RORA: variants seen among roughly 807,000 people sequenced by gnomAD.
RORA encodes the protein nuclear receptor ROR-alpha.
In RORA, 7 loss-of-function variants were observed where a neutral mutation model predicts 69.5. The observed-to-expected ratio is 0.10, with a 90% CI of 0.06 to 0.19. The LOEUF is 0.19. Ranked by LOEUF, RORA falls within the 10% of genes least tolerant of loss-of-function variation. The probability of loss-of-function intolerance (pLI) is 1.00; values close to 1 mark genes in which losing one functional copy is unlikely to be tolerated. For synonymous variants in RORA, 261 were observed against 240.8 expected (o/e 1.08, Z -0.78); for missense variants, 457 against 663.0 (o/e 0.69, Z 3.41).
At chr15:60,726,943 T>G (rs2071365464) in intron 1 of RORA, among the ~76,000 whole-genome samples, 1 of 152,170 alleles carries the variant, frequency 6.6e-6, no homozygotes, top group Non-Finnish European at 1.5e-5. Flanking sequence ...CTACAGAATC[T>G]CCTTATAATT....
At chr15:60,753,703 T>A (rs1417414104) in intron 1 of RORA, among the ~76,000 whole-genome samples, 1 of 152,254 alleles carries the variant, frequency 6.6e-6, no homozygotes, top group Non-Finnish European at 1.5e-5. Context: ...TATCCCTTTA[T>A]ATTTTTTGGA....
intron 2 of RORA, among the ~76,000 whole-genome samples, chr15:60,618,237 T>C (rs374518537): frequency 2.6e-5 from 4 of 152,300 alleles, no homozygotes; most frequent in African/African-American, 2.4e-5. Context: ...TCAGAAACAG[T>C]GATGGAGTAA....
chr15:60,548,528 G>A (rs1366915580), intron 2 of RORA, among the ~76,000 whole-genome samples: 1 of 152,142 alleles, frequency 6.6e-6, no homozygotes, highest in Non-Finnish European at 1.5e-5. Flanking sequence ...AATTTCCAGG[G>A]GAGAATGTGT....
intron 3 of RORA, among the ~76,000 whole-genome samples, chr15:60,526,968 A>C (rs1469256853): frequency 6.6e-6 from 1 of 152,214 alleles, no homozygotes; most frequent in East Asian, 1.9e-4. Context: ...TTTATTGTTT[A>C]AGAAAATATA....
chr15:60,855,993 C>A (rs1347889267), intron 1 of RORA, among the ~76,000 whole-genome samples: 4 of 148,812 alleles, frequency 2.7e-5, no homozygotes, highest in Non-Finnish European at 6.0e-5. Context: ...TCTGGGCTAA[C>A]CTCATATATA....
chr15:61,172,663 A>AT (rs2079595615), intron 1 of RORA, among the ~76,000 whole-genome samples: 3 of 152,216 alleles, frequency 2.0e-5, no homozygotes, highest in African/African-American at 7.2e-5. Flanking sequence ...CTTCTTGGCA[A>AT]TATAACCAGT....
chr15:60,690,719 A>G (rs1274301417), intron 1 of RORA, among the ~76,000 whole-genome samples: 2 of 152,226 alleles, frequency 1.3e-5, no homozygotes, highest in Middle Eastern at 3.2e-3. Flanking sequence ...ACTGGGACTC[A>G]GAGGGATTAG....
At chr15:60,695,984 T>G (rs918999) in intron 1 of RORA, among the ~76,000 whole-genome samples, 147,795 of 152,152 alleles carry the variant, frequency 0.97, 71,881 homozygotes, top group East Asian at 1. Flanking sequence ...CACCGGCGCT[T>G]CAAAGAACTC....
intron 2 of RORA, among the ~76,000 whole-genome samples, chr15:60,633,158 C>G (rs1205991478): frequency 1.3e-5 from 2 of 152,300 alleles, no homozygotes; most frequent in East Asian, 3.9e-4. Context: ...ATATGCAGAC[C>G]AGGTCATGCC....
chr15:60,752,102 G>A (rs942964959), intron 1 of RORA, among the ~76,000 whole-genome samples: 1 of 152,100 alleles, frequency 6.6e-6, no homozygotes, highest in African/African-American at 2.4e-5. Context: ...AAAAAAAATG[G>A]GGAGGGAGAA....
At chr15:60,932,390 C>T (rs941692644) in intron 1 of RORA, among the ~76,000 whole-genome samples, 1 of 152,168 alleles carries the variant, frequency 6.6e-6, no homozygotes, top group African/African-American at 2.4e-5. Context: ...CTTCAGATAT[C>T]ACAGCTGCTT....
At chr15:60,668,830 C>A (rs982060143) in intron 2 of RORA, among the ~76,000 whole-genome samples, 1 of 152,064 alleles carries the variant, frequency 6.6e-6, no homozygotes, top group South Asian at 2.1e-4. Flanking sequence ...TTAAGTAAAA[C>A]GACAGAAACA....
chr15:60,495,761 C>T lies in RORA; in HGVS notation c.*1694G>A, dbSNP rs1055721498. ...CCACCCCTAGTGCGACTAAAATCAT[C>T]GTCTAAATGCCTACATTCCCAAAAG... On this transcript the variant is annotated 3_prime_UTR_variant, in exon 11 of 11. Coordinates refer to ENST00000335670, the MANE Select transcript of RORA (RefSeq NM_134261.3). 2 of 152,022 alleles carry T rather than the reference C, an allele frequency of 1.3e-5. No individual in the cohort carries two copies. The highest frequency in any genetic ancestry group is 2.9e-5 in the Non-Finnish European group (2 of 68,004). The allele number at this position is 152,022 out of a possible 1,614,324, so 9.4% of individuals were successfully genotyped here.
At chr15:60,973,978 C>G (rs1353819647) in intron 1 of RORA, among the ~76,000 whole-genome samples, 1 of 152,226 alleles carries the variant, frequency 6.6e-6, no homozygotes, top group African/African-American at 2.4e-5. Flanking sequence ...GGGGCCAAAC[C>G]TTTTGTATCC....
At position 60,569,680 on chromosome 15, in the gene RORA, C is replaced by T. The variant is rs544555766; in HGVS notation, c.197-37829G>A. On this transcript the variant is annotated intron_variant, in intron 2 of 10. Coordinates refer to ENST00000335670, the MANE Select transcript of RORA (RefSeq NM_134261.3). The stretch of plus-strand genomic sequence containing the variant: ...AATAGCAGTCACTCCCTTACAGTAA[C>T]GACAGCTCAAAAGGGTGAATGGCTT... Among the ~76,000 whole-genome samples, 20 of 152,170 alleles carry T rather than the reference C, an allele frequency of 1.3e-4. No individual in the cohort carries two copies. In the East Asian group the frequency reaches 1.7e-3, roughly 13 times the overall value.
intron 1 of RORA, among the ~76,000 whole-genome samples, chr15:60,873,934 C>T (rs948993740): frequency 1.3e-5 from 2 of 152,108 alleles, no homozygotes; most frequent in South Asian, 2.1e-4. Context: ...GTCTGTCTAT[C>T]CTTCTATAAA....
intron 1 of RORA, among the ~76,000 whole-genome samples, chr15:60,885,171 A>G (rs2073737575): frequency 6.6e-6 from 1 of 152,216 alleles, no homozygotes; most frequent in Non-Finnish European, 1.5e-5. Context: ...AATGGAGTAC[A>G]GTGGAAGTGA....
chr15:60,999,972 T>C (rs1463562747), intron 1 of RORA, among the ~76,000 whole-genome samples: 4 of 152,068 alleles, frequency 2.6e-5, no homozygotes, highest in Admixed American at 1.3e-4. Context: ...AAAAAAGGCA[T>C]CCTAACAGAA....
At chr15:60,994,097 A>C (rs1443615807) in intron 1 of RORA, among the ~76,000 whole-genome samples, 1 of 152,246 alleles carries the variant, frequency 6.6e-6, no homozygotes, top group Non-Finnish European at 1.5e-5. Context: ...TGTTTTGTCC[A>C]AGTTTGAACT....
Sources: allele counts gnomAD v4.1 joint callset (sites outside exome capture counted in the v4.1 genomes callset), GRCh38; gene constraint gnomAD v4.1.1; transcripts MANE v1.5; gene names NCBI Gene and HGNC (gene_info 2026-07-23, HGNC 2026-07-21).